The following SLIT3 variants were observed in gnomAD, a reference collection of about 807,000 sequenced individuals.
SLIT3 encodes the protein slit guidance ligand 3.
Under a neutral mutation model 184.0 loss-of-function variants are expected in SLIT3, and 68 were observed. The ratio of observed to expected loss-of-function variants is 0.37; its 90% CI spans 0.30 to 0.45. SLIT3 has a LOEUF of 0.45. Ranked by LOEUF, SLIT3 falls within the 20% of genes least tolerant of loss-of-function variation. The pLI, the probability that SLIT3 is intolerant of heterozygous loss-of-function variation, is 1.00. For synonymous variants in SLIT3, 831 were observed against 828.6 expected, an observed-to-expected ratio of 1.00 and a Z score of -0.05; for missense variants, 1,707 against 2,026.0, an observed-to-expected ratio of 0.84 and a Z score of 3.02.
At chr5:168,780,735 C>T (rs1341389952) in intron 12 of SLIT3, among the ~76,000 whole-genome samples, 2 of 152,162 alleles carry the variant, frequency 1.3e-5, no homozygotes, top group African/African-American at 4.8e-5. Flanking sequence ...AGTATTAACC[C>T]TCTGTCATCC....
intron 1 of SLIT3, among the ~76,000 whole-genome samples, chr5:169,251,911 G>A (rs1444835394): frequency 3.3e-5 from 5 of 152,150 alleles, no homozygotes; most frequent in Admixed American, 2.0e-4. Context: ...GGATTGCTAA[G>A]CTGTTCAGGG....
chr5:168,941,763 G>A (rs1003699672), intron 4 of SLIT3, among the ~76,000 whole-genome samples: 1 of 152,216 alleles, frequency 6.6e-6, no homozygotes, highest in African/African-American at 2.4e-5. Context: ...AGGTCTATTT[G>A]AGAGAATTTC....
At chr5:169,071,544 C>G (rs1758549677) in intron 4 of SLIT3, among the ~76,000 whole-genome samples, 1 of 152,160 alleles carries the variant, frequency 6.6e-6, no homozygotes, top group African/African-American at 2.4e-5. Flanking sequence ...AGAGCTTTTT[C>G]TCACTCTGGA....
At chr5:168,798,564 C>T (rs999539755) in intron 9 of SLIT3, among the ~76,000 whole-genome samples, 3 of 152,118 alleles carry the variant, frequency 2.0e-5, no homozygotes, top group Non-Finnish European at 4.4e-5. Context: ...CTCAGCTTCT[C>T]AGGCTGTTTT....
At chr5:169,010,292 A>G (rs77584500) in intron 4 of SLIT3, among the ~76,000 whole-genome samples, 373 of 152,266 alleles carry the variant, frequency 2.4e-3, no homozygotes, top group African/African-American at 8.3e-3. Context: ...GGGAAGGGGC[A>G]ATCCAGAGTT....
intron 4 of SLIT3, among the ~76,000 whole-genome samples, chr5:168,902,629 T>G (rs1179458273): frequency 6.6e-6 from 1 of 152,194 alleles, no homozygotes; most frequent in African/African-American, 2.4e-5. Flanking sequence ...AAATGGGAAA[T>G]GCTCAGATCT....
chr5:168,683,689 A>G (rs934403955), intron 32 of SLIT3, among the ~76,000 whole-genome samples: 9 of 151,966 alleles, frequency 5.9e-5, no homozygotes, highest in African/African-American at 2.2e-4. Context: ...TGCAGCGCGC[A>G]CTCCCGCACA....
intron 8 of SLIT3, among the ~76,000 whole-genome samples, chr5:168,812,926 T>C (rs564833241): frequency 6.6e-6 from 1 of 152,158 alleles, no homozygotes; most frequent in South Asian, 2.1e-4. Flanking sequence ...AAGTTTCTTG[T>C]TTCTAGAGAG....
In SLIT3 at chr5:169,292,232, C is replaced by T. The variant is rs75180766; in HGVS notation, c.197+8281G>A. On this transcript the variant is annotated intron_variant, in intron 1 of 35. Coordinates refer to ENST00000519560, the MANE Select transcript of SLIT3 (RefSeq NM_003062.4). The stretch of plus-strand genomic sequence containing the variant: ...TGGCAGAAAGGCTCAATCCCTCAGG[C>T]TGAACTTTTTACCAGGAGAGAATAA... Among the ~76,000 whole-genome samples, 17 of 152,358 alleles carry T rather than the reference C, an allele frequency of 1.1e-4. No homozygotes were observed. The East Asian group carries it at 2.7e-3, about 24-fold the overall frequency.
chr5:168,758,951 C>T (rs763886660), intron 16 of SLIT3, among the ~76,000 whole-genome samples: 3 of 152,186 alleles, frequency 2.0e-5, no homozygotes, highest in Non-Finnish European at 4.4e-5. Flanking sequence ...GTTCAATGTA[C>T]TTGAACTTTG....
chr5:168,788,379 G>A (rs1756236664), intron 11 of SLIT3, among the ~76,000 whole-genome samples: 1 of 152,146 alleles, frequency 6.6e-6, no homozygotes, highest in South Asian at 2.1e-4. Context: ...GGTGGGATGG[G>A]GCCAGGTGGG....
chr5:169,015,569 A>T lies in SLIT3; in HGVS notation c.414-132233T>A, dbSNP rs150046923. 1.1e-3 allele frequency among the ~76,000 whole-genome samples: 173 copies of T among 152,260 alleles called. 1 individual carries two copies. The highest frequency in any genetic ancestry group is 4.0e-3 in the African/African-American group (168 of 41,552). On this transcript the variant is annotated intron_variant, in intron 4 of 35. Coordinates refer to ENST00000519560, the MANE Select transcript of SLIT3 (RefSeq NM_003062.4). ...CTGGAACTTTCTAACCTTATTGATAAAATTAAGACTTTGGAATAGATACTC... is the reference window on the plus strand; with the variant it reads ...CTGGAACTTTCTAACCTTATTGATATAATTAAGACTTTGGAATAGATACTC...
intron 4 of SLIT3, among the ~76,000 whole-genome samples, chr5:168,998,968 C>T (rs1755609129): frequency 6.6e-6 from 1 of 151,634 alleles, no homozygotes; most frequent in African/African-American, 2.4e-5. Context: ...GGCTGGAGTG[C>T]AGTGGAGTGA....
At chr5:169,272,853 C>A (rs77682755) in intron 1 of SLIT3, among the ~76,000 whole-genome samples, 1 of 152,162 alleles carries the variant, frequency 6.6e-6, no homozygotes, top group Non-Finnish European at 1.5e-5. Flanking sequence ...TGAGTGCACA[C>A]GCGCAAGCAC....
chr5:169,036,840 C>T (rs968851290), intron 4 of SLIT3, among the ~76,000 whole-genome samples: 1 of 152,122 alleles, frequency 6.6e-6, no homozygotes, highest in African/African-American at 2.4e-5. Context: ...TTAAGTTGGA[C>T]GACCTTCTTC....
intron 1 of SLIT3, among the ~76,000 whole-genome samples, chr5:169,279,876 G>GT (rs1259969750): frequency 3.9e-5 from 6 of 152,300 alleles, no homozygotes; most frequent in Non-Finnish European, 8.8e-5. Flanking sequence ...CAGAATGGTT[G>GT]TAAGAATTAA....
chr5:169,255,715 C>G (rs1044257889), intron 1 of SLIT3, among the ~76,000 whole-genome samples: 2 of 152,118 alleles, frequency 1.3e-5, no homozygotes, highest in African/African-American at 4.8e-5. Context: ...AACCCCGTCT[C>G]TACTAAAAAT....
chr5:169,293,778 G>A (rs1433436263), intron 1 of SLIT3, among the ~76,000 whole-genome samples: 1 of 152,108 alleles, frequency 6.6e-6, no homozygotes, highest in Non-Finnish European at 1.5e-5. Context: ...TTTTTCCAGG[G>A]TTTCACTGTA....
intron 14 of SLIT3, 29 bp from the exon 15 acceptor site, chr5:168,762,718 C>T (rs370845870): frequency 2.1e-5 from 33 of 1,606,810 alleles, no homozygotes; most frequent in African/African-American, 5.3e-5. Flanking sequence ...GGGACGTCAG[C>T]GTCACCCGAG....
Sources: gnomAD v4.1 joint callset for allele counts (sites outside exome capture counted in the v4.1 genomes callset) on GRCh38, gnomAD v4.1.1 for gene constraint, MANE v1.5 for transcripts, NCBI Gene and HGNC (gene_info 2026-07-23, HGNC 2026-07-21) for gene names.